The following MAN1C1 variants were observed in gnomAD, a reference collection of about 807,000 sequenced individuals.
MAN1C1 encodes the protein mannosidase alpha class 1C member 1.
Under a neutral mutation model 71.5 loss-of-function variants are expected in MAN1C1, and 49 were observed. The ratio of observed to expected loss-of-function variants is 0.69; its 90% CI spans 0.54 to 0.87. MAN1C1 has a LOEUF of 0.87. Among genes scored for constraint, MAN1C1 ranks in the 40% least tolerant of loss-of-function variants. The pLI is 0.00. For synonymous variants in MAN1C1, 352 were observed against 343.7 expected, an observed-to-expected ratio of 1.02 and a Z score of -0.27; for missense variants, 743 against 835.0, an observed-to-expected ratio of 0.89 and a Z score of 1.36.
chr1:25,617,098 C>A lies in MAN1C1; in HGVS notation c.-700C>A, dbSNP rs2124743004. ...CCAGGCATCCCTGCGCTGTCTGGGG[C>A]CCGGGGGAAGCCCCCTGCCCCCGCA... On this transcript the variant is annotated 5_prime_UTR_variant, in exon 1 of 12. Coordinates refer to ENST00000374332, the MANE Select transcript of MAN1C1 (RefSeq NM_020379.4). This position sits in a 1 kb window ranked among gnomAD's most constrained non-coding sequence, Gnocchi z 5.1. Among the ~76,000 whole-genome samples the A allele has an allele frequency of 6.6e-6, 1 of 152,042 alleles. No homozygotes were observed. The highest frequency in any genetic ancestry group is 2.1e-4 in the South Asian group (1 of 4,828).
At chr1:25,644,305 G>GA (rs1173976989) in intron 1 of MAN1C1, among the ~76,000 whole-genome samples, 1 of 151,770 alleles carries the variant, frequency 6.6e-6, no homozygotes, top group African/African-American at 2.4e-5. Flanking sequence ...GTGCAGCTTG[G>GA]AAAGGTCAAG....
At chr1:25,766,613 CAG>C (rs1404017050) in intron 7 of MAN1C1, among the ~76,000 whole-genome samples, 2 of 150,674 alleles carry the variant, frequency 1.3e-5, no homozygotes, top group South Asian at 4.1e-4. Context: ...TCAGGGGTAA[CAG>C]GGGAGCCCCA....
At position 25,782,632 on chromosome 1, in the gene MAN1C1, A is replaced by G. The variant is rs1300717732; in HGVS notation, c.1698A>G (p.Gln566=). Residue 566 remains glutamine, a synonymous_variant, in exon 11 of 12, where the codon CAA becomes CAG. Transcript: ENST00000374332. The surrounding 1 kb of genome is among the most constrained non-coding windows in gnomAD (Gnocchi z 4.4). The part of the protein sequence containing the change: ...CRTEAGFSGI[Q]DVYSSTPNHD... ...CAGAAGCCGGTTTCTCTGGGATCCA[A>G]GACGTGTACAGTAGCACCCCCAACC... The G allele has an allele frequency of 3.7e-6, 6 of 1,614,056 alleles. No homozygotes were observed. Among genetic ancestry groups the G allele is most frequent in the Non-Finnish European group, 5.1e-6 (6 of 1,180,012 alleles).
chr1:25,733,793 A>ATT (rs1373123393), intron 2 of MAN1C1, among the ~76,000 whole-genome samples: 10 of 151,688 alleles, frequency 6.6e-5, no homozygotes, highest in African/African-American at 2.4e-4. Context: ...TTATTTATTT[A>ATT]TTATTTTTAT....
Position 25,618,350 on chromosome 1 carries a change from C to A in MAN1C1, c.540+13C>A. The A allele has an allele frequency of 2.5e-6, 4 of 1,586,268 alleles. No individual in the cohort carries two copies. The highest frequency in any genetic ancestry group is 2.6e-6 in the Non-Finnish European group (3 of 1,169,358). ...GAAAATCAAGGAGGTATGGACTCAG[C>A]CCCCAAACTCCTCCCACCAACTGCC... On this transcript the variant is annotated intron_variant, in intron 1 of 11. Transcript: ENST00000374332.
At position 25,617,856 on chromosome 1, in the gene MAN1C1, C is replaced by T. The variant is rs1426612342; in HGVS notation, c.59C>T (p.Pro20Leu). Reference protein sequence around the residue: ...VPASPWGLRLPQKFLFLLFLS... With the variant: ...VPASPWGLRLLQKFLFLLFLS... The stretch of plus-strand genomic sequence containing the variant: ...GCCTCCCCGTGGGGGCTGCGGCTGC[C>T]GCAGAAGTTCCTCTTCCTCCTCTTC... The change falls in exon 1 of 12, where the codon CCG becomes CTG. Residue 20 changes from proline (P) to leucine (L), a missense_variant. Coordinates refer to ENST00000374332, the MANE Select transcript of MAN1C1 (RefSeq NM_020379.4). This position sits in a 1 kb window ranked among gnomAD's most constrained non-coding sequence, Gnocchi z 5.1. The T allele has an allele frequency of 1.2e-5, 19 of 1,607,210 alleles. No individual in the cohort carries two copies. The highest frequency in any genetic ancestry group is 2.3e-5 in the East Asian group (1 of 44,256).
intron 1 of MAN1C1, among the ~76,000 whole-genome samples, chr1:25,625,887 A>G (rs964188834): frequency 2.0e-5 from 3 of 152,234 alleles, no homozygotes; most frequent in Admixed American, 6.5e-5. Context: ...GGCTTCCTTC[A>G]TTGAAGACAG....
chr1:25,623,763 A>G (rs563048280), intron 1 of MAN1C1, among the ~76,000 whole-genome samples: 2 of 152,232 alleles, frequency 1.3e-5, no homozygotes, highest in African/African-American at 4.8e-5. Context: ...TTTGCATCCT[A>G]AGTTGAATCT....
At chr1:25,658,869 CTT>C (rs2045806689) in intron 1 of MAN1C1, 1 of 152,544 alleles carries the variant, frequency 6.6e-6, no homozygotes, top group Non-Finnish European at 1.5e-5. Flanking sequence ...TTCCATCAAA[CTT>C]TACACACACA....
At chr1:25,706,522 CG>C (rs369794107) in intron 2 of MAN1C1, among the ~76,000 whole-genome samples, 2 of 151,886 alleles carry the variant, frequency 1.3e-5, no homozygotes, top group Admixed American at 1.3e-4. Flanking sequence ...TGGACTCTGG[CG>C]GGGGGGAATC....
intron 2 of MAN1C1, among the ~76,000 whole-genome samples, chr1:25,734,161 C>G (rs1159242139): frequency 6.6e-6 from 1 of 152,100 alleles, no homozygotes; most frequent in African/African-American, 2.4e-5. Context: ...CAGAGTCTCT[C>G]TCTGTCACCC....
Position 25,746,806 on chromosome 1 carries a change from G to A in MAN1C1, c.753+23G>A, listed in dbSNP as rs1476297661. On this transcript the variant is annotated intron_variant, in intron 3 of 11. Coordinates refer to ENST00000374332, the MANE Select transcript of MAN1C1 (RefSeq NM_020379.4). The surrounding 1 kb of genome is among the most constrained non-coding windows in gnomAD (Gnocchi z 4.0). The stretch of plus-strand genomic sequence containing the variant: ...GTGGTGAGTCAGAGGCCCTCGGCGG[G>A]GGAGGGGGGCGGGGGCCAGAAGAGG... 1 of 1,390,748 alleles carries A rather than the reference G, an allele frequency of 7.2e-7. No individual in the cohort carries two copies. Among genetic ancestry groups the A allele is most frequent in the Non-Finnish European group, 1.0e-6 (1 of 994,720 alleles). 86.2% of individuals were successfully genotyped at this position (1,390,748 alleles called of 1,614,324 possible).
chr1:25,731,095 C>T (rs967746088), intron 2 of MAN1C1, among the ~76,000 whole-genome samples: 1 of 152,164 alleles, frequency 6.6e-6, no homozygotes, highest in Non-Finnish European at 1.5e-5. Flanking sequence ...GGTGGACAGA[C>T]CGCCTGAGCC....
At chr1:25,702,863 G>T (rs923751284) in intron 2 of MAN1C1, among the ~76,000 whole-genome samples, 1 of 152,170 alleles carries the variant, frequency 6.6e-6, no homozygotes, top group African/African-American at 2.4e-5. Flanking sequence ...GCATCTTTGC[G>T]TGCCAGTGAC....
chr1:25,745,223 G>A (rs1171579190), intron 2 of MAN1C1, among the ~76,000 whole-genome samples: 4 of 152,194 alleles, frequency 2.6e-5, no homozygotes, highest in African/African-American at 9.7e-5. Flanking sequence ...ACAGGTGCCT[G>A]ATGCCCAGTG....
intron 2 of MAN1C1, among the ~76,000 whole-genome samples, chr1:25,723,710 G>A (rs1250358977): frequency 2.6e-5 from 4 of 152,210 alleles, no homozygotes; most frequent in Non-Finnish European, 5.9e-5. Flanking sequence ...ATCATCATCT[G>A]TAGAGTGGGA....
chr1:25,696,280 C>T (rs1304414856), intron 2 of MAN1C1, among the ~76,000 whole-genome samples: 1 of 152,166 alleles, frequency 6.6e-6, no homozygotes, highest in African/African-American at 2.4e-5. Flanking sequence ...TCTCAGACTA[C>T]CAGGCCACTT....
At chr1:25,766,593 A>G (rs1384186653) in intron 7 of MAN1C1, among the ~76,000 whole-genome samples, 1 of 151,816 alleles carries the variant, frequency 6.6e-6, no homozygotes, top group East Asian at 1.9e-4. Context: ...CTCCTCCTGG[A>G]AACCGAGCTT....
intron 1 of MAN1C1, among the ~76,000 whole-genome samples, chr1:25,633,526 CTTGT>C (rs1276104059): frequency 2.2e-5 from 3 of 134,410 alleles, no homozygotes; most frequent in East Asian, 2.1e-4. Context: ...ATGTAATGAC[CTTGT>C]TTGTCTTTTT....
Sources: allele counts gnomAD v4.1 joint callset (sites outside exome capture counted in the v4.1 genomes callset), GRCh38; gene constraint gnomAD v4.1.1; non-coding constraint Gnocchi (gnomAD v3.1); transcripts MANE v1.5; gene names NCBI Gene and HGNC (gene_info 2026-07-23, HGNC 2026-07-21).